Variants in MRPL15 observed in about 807,000 individuals in gnomAD.
The protein encoded by MRPL15 is mitochondrial ribosomal protein L15.
MRPL15 carries 24 observed loss-of-function variants against 28.0 expected under a neutral mutation model. The observed-to-expected ratio is 0.86, with a 90% CI of 0.62 to 1.21. The LOEUF is 1.21. MRPL15 is among the 50% of genes most tolerant of loss of function. The pLI, the probability that MRPL15 is intolerant of heterozygous loss-of-function variation, is 0.00. For missense variants in MRPL15, 343 were observed against 372.4 expected (o/e 0.92, Z 0.65); for synonymous variants, 124 against 137.0 (o/e 0.90, Z 0.66).
chr8:54,146,204 T>A (rs1811042320), intron 4 of MRPL15, among the ~76,000 whole-genome samples: 10 of 152,354 alleles, frequency 6.6e-5, no homozygotes. Flanking sequence ...CCCAGCACTT[T>A]GGGAGGCCAA....
intron 4 of MRPL15, among the ~76,000 whole-genome samples, chr8:54,145,068 C>T (rs1038967955): frequency 1.3e-5 from 2 of 152,186 alleles, no homozygotes; most frequent in African/African-American, 2.4e-5. Flanking sequence ...CCTTGATGCT[C>T]TTGTGCGTGG....
rs1383870632 is a variant in MRPL15 at position 54,137,329 on chromosome 8, C to T, written c.325C>T (p.Arg109Cys). 1.9e-6 allele frequency: 3 copies of T among 1,614,000 alleles called. No individual in the cohort carries two copies. Among genetic ancestry groups the T allele is most frequent in the East Asian group, 2.2e-5 (1 of 44,878 alleles). ...ACTGCAGTATCTTATTGATTTGGGTCGTGTTGATCCTAGTCAACCTATTGA... is the reference window on the plus strand; with the variant it reads ...ACTGCAGTATCTTATTGATTTGGGTTGTGTTGATCCTAGTCAACCTATTGA... ...NRLQYLIDLG[R>C]VDPSQPIDLT... The change falls in exon 3 of 5, where the codon CGT becomes TGT. Residue 109 changes from arginine to cysteine, a missense_variant. By Grantham distance (180) the Arg-to-Cys change is radical. Transcript: ENST00000260102.
intron 4 of MRPL15, among the ~76,000 whole-genome samples, chr8:54,145,185 T>G (rs1811022737): frequency 6.6e-6 from 1 of 152,224 alleles, no homozygotes; most frequent in African/African-American, 2.4e-5. Flanking sequence ...TGCCTCTGAA[T>G]AATTTACTTT....
intron 3 of MRPL15, 43 bp downstream of exon 3, chr8:54,137,476 T>G (rs770162824): frequency 1.3e-6 from 2 of 1,586,400 alleles, no homozygotes; most frequent in Non-Finnish European, 1.7e-6. Context: ...AGGAGGATTT[T>G]TTTTTTAGAC....
chr8:54,135,280 G>A lies in MRPL15; in HGVS notation c.-4G>A, dbSNP rs1407939148. On this transcript the variant is annotated 5_prime_UTR_variant, in exon 1 of 5. Transcript: ENST00000260102. ...GCCCTTGAAAGTTCTTGGATCTGCG[G>A]GTTATGGCCGGTCCCTTGCAGGGCG... The A allele has an allele frequency of 1.8e-5, 24 of 1,360,054 alleles. No homozygotes were observed. Among genetic ancestry groups the A allele is most frequent in the Non-Finnish European group, 2.3e-5 (24 of 1,047,354 alleles). The allele number at this position is 1,360,054 out of a possible 1,614,324, so 84.2% of individuals were successfully genotyped here. A position where few individuals can be genotyped will look rare whatever the true frequency, so the allele number is the denominator to read the frequency against.
chr8:54,140,605 G>A (rs1311880304), intron 3 of MRPL15, among the ~76,000 whole-genome samples: 5 of 95,422 alleles, frequency 5.2e-5, no homozygotes, highest in East Asian at 1.6e-3. Context: ...ATGGAGTCTC[G>A]CTCTGTCACC....
chr8:54,136,406 C>A, intron 1 of MRPL15, 105 bp from the exon 2 acceptor site: 2 of 1,224,434 alleles, frequency 1.6e-6, no homozygotes, highest in Non-Finnish European at 2.3e-6. Flanking sequence ...TGTTAGCTAG[C>A]ACTGGTGGGC....
rs1271762215 is a variant in MRPL15 at position 54,148,434 on chromosome 8, G to C, written c.*715G>C. On this transcript the variant is annotated 3_prime_UTR_variant, in exon 5 of 5. Coordinates refer to ENST00000260102, the MANE Select transcript of MRPL15 (RefSeq NM_014175.4). ...GGTTCTTGGCCTCACGGATTCCAAA[G>C]AATGGAACCTTGGGCCATGTGGTCA... is the stretch of plus-strand genomic sequence containing the variant. Among the ~76,000 whole-genome samples the C allele has an allele frequency of 6.6e-6, 1 of 152,206 alleles. No homozygotes were observed. Among genetic ancestry groups the C allele is most frequent in the Non-Finnish European group, 1.5e-5 (1 of 68,046 alleles).
intron 3 of MRPL15, among the ~76,000 whole-genome samples, chr8:54,140,569 C>CTTTTCTTTTTTT (rs1554556407): frequency 9.9e-6 from 1 of 101,508 alleles, no homozygotes; most frequent in East Asian, 5.7e-4. Context: ...ACTACATTTT[C>CTTTTCTTTTTTT]TTTTCTTTTT....
In MRPL15 at chr8:54,139,292, C is replaced by T. The variant is rs139879268; in HGVS notation, c.429+1859C>T. On this transcript the variant is annotated intron_variant, in intron 3 of 4. Coordinates refer to ENST00000260102, the MANE Select transcript of MRPL15 (RefSeq NM_014175.4). ...GGGATTACAGACGTGAGCTACCCGT[C>T]GGCCAAATTTTTTGTACATTGTTAA... is the stretch of plus-strand genomic sequence containing the variant. Among the ~76,000 whole-genome samples, 578 of 152,258 alleles carry T rather than the reference C, an allele frequency of 3.8e-3. 3 individuals are homozygous for T. Among genetic ancestry groups the T allele is most frequent in the African/African-American group, 0.013 (551 of 41,524 alleles).
intron 4 of MRPL15, among the ~76,000 whole-genome samples, chr8:54,143,272 G>A (rs1432438611): frequency 2.0e-5 from 3 of 152,078 alleles, no homozygotes; most frequent in African/African-American, 4.8e-5. Flanking sequence ...CTAGAGGCGG[G>A]TTTCAGCATG....
At chr8:54,139,882 A>G (rs954884937) in intron 3 of MRPL15, among the ~76,000 whole-genome samples, 1 of 152,164 alleles carries the variant, frequency 6.6e-6, no homozygotes, top group Non-Finnish European at 1.5e-5. Context: ...AATGCCCCCA[A>G]ATAGGGAGAT....
chr8:54,136,869 G>A (rs940353087), intron 2 of MRPL15, among the ~76,000 whole-genome samples: 3 of 152,160 alleles, frequency 2.0e-5, no homozygotes, highest in African/African-American at 7.2e-5. Context: ...ACTTAGACCT[G>A]CAAAATGGAG....
chr8:54,141,501 G>T (rs1045840049), intron 3 of MRPL15, among the ~76,000 whole-genome samples: 4 of 152,094 alleles, frequency 2.6e-5, no homozygotes, highest in East Asian at 1.9e-4. Flanking sequence ...TTACTTACAC[G>T]GATTGAAAAT....
chr8:54,137,166 A>T, intron 2 of MRPL15, 102 bp from the exon 3 acceptor site: 1 of 1,208,620 alleles, frequency 8.3e-7, no homozygotes, highest in Non-Finnish European at 1.2e-6. Flanking sequence ...TTGTTTAGTT[A>T]AATAAAATTG....
intron 4 of MRPL15, among the ~76,000 whole-genome samples, chr8:54,143,958 T>G (rs1288998743): frequency 6.6e-6 from 1 of 152,224 alleles, no homozygotes; most frequent in African/African-American, 2.4e-5. Flanking sequence ...CTGTACTAAA[T>G]AAAAGAGCAT....
At chr8:54,137,457 G>C (rs1269671146) in intron 3 of MRPL15, 24 bp downstream of exon 3, 1 of 1,609,294 alleles carries the variant, frequency 6.2e-7, no homozygotes, top group East Asian at 2.2e-5. Context: ...AGATCTTTTG[G>C]TGTTATATAG....
rs34515810 is a variant in MRPL15 at position 54,146,446 on chromosome 8, CAA to C, written c.554-919_554-918del. ...TGGGCGACAGAGCGAGACTTTGTCT[CAA>C]AAAAAAAAAAAAAAAAGTCCCTTCC... On this transcript the variant is annotated intron_variant, in intron 4 of 4. Coordinates refer to ENST00000260102, the MANE Select transcript of MRPL15 (RefSeq NM_014175.4). 1.5e-3 allele frequency among the ~76,000 whole-genome samples: 143 copies of C among 92,974 alleles called. 1 individual carries two copies. Among genetic ancestry groups the C allele is most frequent in the Admixed American group, 7.0e-3 (66 of 9,396 alleles). The allele number at this position is 92,974 out of a possible 152,430, so 61.0% of individuals were successfully genotyped here. A position where few individuals can be genotyped will look rare whatever the true frequency, so the allele number is the denominator to read the frequency against.
At chr8:54,137,707 G>T (rs1370127121) in intron 3 of MRPL15, among the ~76,000 whole-genome samples, 2 of 152,066 alleles carry the variant, frequency 1.3e-5, no homozygotes, top group African/African-American at 4.8e-5. Context: ...TAAGTGATCT[G>T]CTCACCTCGG....
Sources: allele counts gnomAD v4.1 joint callset (sites outside exome capture counted in the v4.1 genomes callset), GRCh38; gene constraint gnomAD v4.1.1; transcripts MANE v1.5; gene names NCBI Gene and HGNC (gene_info 2026-07-23, HGNC 2026-07-21).